Variants in PCDHGB3 observed in about 807,000 individuals in gnomAD.
PCDHGB3 encodes protocadherin gamma subfamily B, 3.
PCDHGB3 carries 40 observed loss-of-function variants against 59.2 expected under a neutral mutation model. That is an observed-to-expected ratio of 0.68 (90% CI 0.52 to 0.88). The LOEUF is 0.88. Ranked by LOEUF, PCDHGB3 falls within the 40% of genes least tolerant of loss-of-function variation. The probability of loss-of-function intolerance (pLI) is 0.00; values close to 1 mark genes in which losing one functional copy is unlikely to be tolerated. For missense variants in PCDHGB3, 1,309 were observed against 1,187.9 expected (o/e 1.10, Z -1.50); for synonymous variants, 581 against 503.6 (o/e 1.15, Z -2.06).
chr5:141,390,665 T>C, intron 1 of PCDHGB3: 1 of 192,900 alleles, frequency 5.2e-6, no homozygotes, highest in Non-Finnish European at 1.1e-5. Context: ...ACCATAAATA[T>C]AAAAATAATA....
At chr5:141,457,784 T>G (rs1021614051) in intron 1 of PCDHGB3, among the ~76,000 whole-genome samples, 1 of 152,210 alleles carries the variant, frequency 6.6e-6, no homozygotes, top group Non-Finnish European at 1.5e-5. Flanking sequence ...TACCTGTGAG[T>G]TGGGTTATCC....
At chr5:141,453,922 T>C (rs2098777315) in intron 1 of PCDHGB3, among the ~76,000 whole-genome samples, 1 of 152,230 alleles carries the variant, frequency 6.6e-6, no homozygotes, top group African/African-American at 2.4e-5. Context: ...CAGTGATCAG[T>C]CACTGTGTGC....
chr5:141,510,568 G>C (rs2099881703), intron 3 of PCDHGB3, among the ~76,000 whole-genome samples: 1 of 152,100 alleles, frequency 6.6e-6, no homozygotes, highest in Non-Finnish European at 1.5e-5. Context: ...CATCTACCAG[G>C]CACTATTTTA....
chr5:141,428,052 G>A (rs750852525), intron 1 of PCDHGB3: 6 of 1,608,992 alleles, frequency 3.7e-6, no homozygotes, highest in East Asian at 4.5e-5. Context: ...GACCAAGGTG[G>A]TGGCGGTGGA....
At chr5:141,426,451 C>A in intron 1 of PCDHGB3, 1 of 308,946 alleles carries the variant, frequency 3.2e-6, no homozygotes, top group South Asian at 3.0e-5. Flanking sequence ...GGACATGCGG[C>A]TGCATGTTCA....
At position 141,485,892 on chromosome 5, in the gene PCDHGB3, C is replaced by T; in HGVS notation, c.2416-8915C>T. On this transcript the variant is annotated intron_variant, in intron 1 of 3. Coordinates refer to ENST00000576222, the MANE Select transcript of PCDHGB3 (RefSeq NM_018924.5). The surrounding 1 kb of genome is among the most constrained non-coding windows in gnomAD (Gnocchi z 5.7). ...GTGCTGGACGTAAACGACAACGCCC[C>T]AGCCTTCCAGCAATCCAGCTACAGG... is the stretch of plus-strand genomic sequence containing the variant. 6.2e-7 allele frequency: 1 copy of T among 1,614,194 alleles called. No individual in the cohort carries two copies.
At chr5:141,392,242 G>T (rs1294476832) in intron 1 of PCDHGB3, 1 of 152,134 alleles carries the variant, frequency 6.6e-6, no homozygotes, top group Non-Finnish European at 1.5e-5. Context: ...TTAGTTATTT[G>T]TTAGTATATA....
chr5:141,506,896 T>C (rs1417106112), intron 3 of PCDHGB3, among the ~76,000 whole-genome samples: 3 of 152,158 alleles, frequency 2.0e-5, no homozygotes, highest in African/African-American at 7.2e-5. Flanking sequence ...CAAGAAGCAC[T>C]GTCATCACAC....
At chr5:141,420,076 TC>T (rs2096464805) in intron 1 of PCDHGB3, 2 of 1,613,956 alleles carry the variant, frequency 1.2e-6, no homozygotes, top group East Asian at 2.2e-5. Flanking sequence ...GACCTGTGGG[TC>T]CCCCCAACTA....
chr5:141,422,913 G>T, intron 1 of PCDHGB3: 1 of 1,614,248 alleles, frequency 6.2e-7, no homozygotes, highest in Non-Finnish European at 8.5e-7. Context: ...ATGCGCCCGA[G>T]ATCCTGTACC....
At chr5:141,383,503 C>T (rs751472631) in intron 1 of PCDHGB3, 24 of 1,612,654 alleles carry the variant, frequency 1.5e-5, no homozygotes, top group East Asian at 2.2e-5. Context: ...GGTGCTGGAC[C>T]GGGAGGAAGA....
intron 1 of PCDHGB3, chr5:141,441,971 G>C: frequency 3.3e-6 from 1 of 298,820 alleles, no homozygotes; most frequent in Admixed American, 4.4e-5. Flanking sequence ...AGGCTCTTCA[G>C]CCTGGAATGC....
At position 141,486,883 on chromosome 5, in the gene PCDHGB3, C is replaced by G. The variant is rs1234866888; in HGVS notation, c.2416-7924C>G. The G allele has an allele frequency of 1.2e-6, 2 of 1,614,214 alleles. No individual in the cohort carries two copies. ...CTCCAGCTGTGCTCCGTCCTCGGGC[C>G]CGGCCTGGTTCCTTATGTCCCCAAG... On this transcript the variant is annotated intron_variant, in intron 1 of 3. Coordinates refer to ENST00000576222, the MANE Select transcript of PCDHGB3 (RefSeq NM_018924.5). The surrounding 1 kb of genome is among the most constrained non-coding windows in gnomAD (Gnocchi z 5.0).
chr5:141,510,015 A>G (rs2099879210), intron 3 of PCDHGB3, among the ~76,000 whole-genome samples: 1 of 152,210 alleles, frequency 6.6e-6, no homozygotes, highest in Non-Finnish European at 1.5e-5. Flanking sequence ...GTCATACCAC[A>G]TAGCTGGCTG....
intron 1 of PCDHGB3, among the ~76,000 whole-genome samples, chr5:141,442,921 CATTTTCTA>C (rs1366534082): frequency 6.6e-6 from 1 of 152,196 alleles, no homozygotes. Context: ...ACAACTGTTT[CATTTTCTA>C]TTTAAGAAAC....
At chr5:141,429,796 A>C (rs2097245618) in intron 1 of PCDHGB3, among the ~76,000 whole-genome samples, 1 of 152,216 alleles carries the variant, frequency 6.6e-6, no homozygotes, top group Non-Finnish European at 1.5e-5. Flanking sequence ...ATTACCAGTA[A>C]TTCTCAGTAA....
At chr5:141,454,811 T>TTTTTA (rs1284435092) in intron 1 of PCDHGB3, among the ~76,000 whole-genome samples, 4 of 125,862 alleles carry the variant, frequency 3.2e-5, no homozygotes, top group African/African-American at 1.3e-4. Context: ...TTTTTTTTTT[T>TTTTTA]TTTTTTTTTT....
intron 1 of PCDHGB3, chr5:141,389,141 C>A: frequency 1.2e-6 from 2 of 1,613,998 alleles, no homozygotes; most frequent in Non-Finnish European, 8.5e-7. Flanking sequence ...ACAATATAAC[C>A]GTTACGGCAA....
At chr5:141,380,706 T>C (rs1203086162) in intron 1 of PCDHGB3, among the ~76,000 whole-genome samples, 1 of 152,260 alleles carries the variant, frequency 6.6e-6, no homozygotes, top group Non-Finnish European at 1.5e-5. Context: ...GTCTATAATT[T>C]AATTTAACTA....
Sources: gnomAD v4.1 joint callset for allele counts (sites outside exome capture counted in the v4.1 genomes callset) on GRCh38, gnomAD v4.1.1 for gene constraint, Gnocchi (gnomAD v3.1) non-coding constraint, MANE v1.5 for transcripts, NCBI Gene and HGNC (gene_info 2026-07-23, HGNC 2026-07-21) for gene names.